HPR: variants seen among roughly 807,000 people sequenced by gnomAD.
HPR encodes the protein haptoglobin-related protein.
In HPR, 17 loss-of-function variants were observed where a neutral mutation model predicts 18.5. The ratio of observed to expected loss-of-function variants is 0.92; its 90% CI spans 0.63 to 1.38. HPR has a LOEUF of 1.38. HPR is among the 40% of genes most tolerant of loss of function. HPR has a pLI of 0.00. For missense variants in HPR, 457 were observed against 432.4 expected, an observed-to-expected ratio of 1.06 and a Z score of -0.51; for synonymous variants, 176 against 165.0, an observed-to-expected ratio of 1.07 and a Z score of -0.51.
chr16:72,066,037 A>C (rs1317503966), intron 1 of HPR, among the ~76,000 whole-genome samples: 1 of 152,140 alleles, frequency 6.6e-6, no homozygotes, highest in African/African-American at 2.4e-5. Flanking sequence ...TGCCAACCTA[A>C]ATATCCTTCC....
rs146254843 is a variant in HPR, at chr16:72,076,424, G to C, written c.390G>C (p.Gly130=). 1 of 1,591,124 alleles carries C rather than the reference G, an allele frequency of 6.3e-7. No individual in the cohort carries two copies. The highest frequency in any genetic ancestry group is 1.7e-5 in the Admixed American group (1 of 59,828). Residue 130 remains glycine (G), a synonymous_variant, in exon 5 of 5, where the codon GGG becomes GGC. Coordinates refer to ENST00000540303, the MANE Select transcript of HPR (RefSeq NM_020995.4). ...KMVSHHNLTT[G]ATLINEQWLL... ...TTTCCCACCATAATCTCACCACAGG[G>C]GCCACGCTGATCAATGAACAATGGC...
chr16:72,073,699 G>A, intron 1 of HPR, 193 bp from the exon 2 acceptor site: 3 of 1,489,148 alleles, frequency 2.0e-6, no homozygotes, highest in South Asian at 2.4e-5. Flanking sequence ...GGCGGAGGGT[G>A]GGGGCAACTT....
chr16:72,074,269 T>C lies in HPR; in HGVS notation c.92-15T>C, dbSNP rs1567590299. 6.2e-7 allele frequency: 1 copy of C among 1,609,218 alleles called. No homozygotes were observed. Among genetic ancestry groups the C allele is most frequent in the Non-Finnish European group, 8.5e-7 (1 of 1,175,626 alleles). On this transcript the variant is annotated splice_polypyrimidine_tract_variant and intron_variant, in intron 2 of 4. Transcript: ENST00000540303. The stretch of plus-strand genomic sequence containing the variant: ...TTTCCAAATGGTAAACTCTCTGGCT[T>C]CTCTCTCTTTGCAGATGACCGCTTC...
chr16:72,071,378 T>A (rs2041653735), intron 1 of HPR, among the ~76,000 whole-genome samples: 1 of 152,190 alleles, frequency 6.6e-6, no homozygotes, highest in South Asian at 2.1e-4. Flanking sequence ...AGGCCCAGAT[T>A]GTCCCCTTTC....
chr16:72,065,067 A>G (rs1224948269), intron 1 of HPR, among the ~76,000 whole-genome samples: 1 of 152,178 alleles, frequency 6.6e-6, no homozygotes, highest in Admixed American at 6.5e-5. Flanking sequence ...AAGTTCATGA[A>G]TGGTAACAAG....
intron 1 of HPR, among the ~76,000 whole-genome samples, chr16:72,071,893 T>G (rs767448019): frequency 2.0e-5 from 3 of 152,092 alleles, no homozygotes; most frequent in Non-Finnish European, 4.4e-5. Context: ...CAACGAGGAG[T>G]GCCAGATGAA....
In HPR at chr16:72,075,141, TCAGGAGTATA is replaced by T. The variant is rs1172350386; in HGVS notation, c.194-1_202del. The T allele has an allele frequency of 3.5e-6, 4 of 1,138,870 alleles. No homozygotes were observed. The African/African-American group carries it at 5.9e-5, about 17-fold the overall frequency. 70.5% of individuals were successfully genotyped at this position (1,138,870 alleles called of 1,614,324 possible). ...TTTGGCTCATTTCTTGCCTTTTGTT[TCAGGAGTATA>T]CACCTTAAATGATAAGAAGCAGTGG... On this transcript the variant is annotated splice_acceptor_variant and splice_polypyrimidine_tract_variant and coding_sequence_variant and intron_variant, in exon 4 of 5. Coordinates refer to ENST00000540303, the MANE Select transcript of HPR (RefSeq NM_020995.4). LOFTEE classifies it high-confidence loss of function.
chr16:72,075,639 T>A (rs893620326), intron 4 of HPR, among the ~76,000 whole-genome samples: 57 of 152,314 alleles, frequency 3.7e-4, no homozygotes, highest in Non-Finnish European at 6.3e-4. Context: ...GAACTGTTGC[T>A]CTCTCCTTTC....
At position 72,076,957 on chromosome 16, in the gene HPR, A is replaced by C; in HGVS notation, c.923A>C (p.Glu308Ala). Residue 308 changes from glutamate (E) to alanine (A), a missense_variant, in exon 5 of 5, where the codon GAG (glutamate) becomes GCG (alanine). By Grantham distance (107) the Glu-to-Ala change is moderately radical. Transcript: ENST00000540303. ...GCCTTTGCCGTTCACGACCTGGAGG[A>C]GGACACCTGGTACGCGGCTGGGATC... ...GSAFAVHDLE[E>A]DTWYAAGILS... 6.2e-7 allele frequency: 1 copy of C among 1,614,188 alleles called. No individual in the cohort carries two copies. Among genetic ancestry groups the C allele is most frequent in the Non-Finnish European group, 8.5e-7 (1 of 1,180,040 alleles).
At position 72,076,305 on chromosome 16, in the gene HPR, T is replaced by C. The variant is rs1189160831; in HGVS notation, c.271T>C (p.Cys91Arg). Reference sequence around the variant, plus strand: ...GAGTGTCTTGCTCTCCTTGACAGTATGTGGGAAGCCCAAGAATCCGGCAAA... The same window carrying C: ...GAGTGTCTTGCTCTCCTTGACAGTACGTGGGAAGCCCAAGAATCCGGCAAA... ...GDKLPECEAV[C>R]GKPKNPANPV... Residue 91 changes from cysteine (C) to arginine (R), a missense_variant and splice_region_variant, in exon 5 of 5, where the codon TGT becomes CGT. Cys to Arg is a radical substitution (Grantham distance 180, BLOSUM62 -3). Transcript: ENST00000540303. 2 of 1,613,098 alleles carry C rather than the reference T, an allele frequency of 1.2e-6. No individual in the cohort carries two copies. Among genetic ancestry groups the C allele is most frequent in the South Asian group, 1.1e-5 (1 of 90,968 alleles).
Position 72,074,827 on chromosome 16 carries a change from C to A in HPR, c.194-318C>A, listed in dbSNP as rs1317576479. On this transcript the variant is annotated intron_variant, in intron 3 of 4. Coordinates refer to ENST00000540303, the MANE Select transcript of HPR (RefSeq NM_020995.4). ...GCTGATAAGGAAACAGAGGCACCGA[C>A]AGGTTGAGTATCTTGCCCAAATTCA... 1.2e-5 allele frequency: 8 copies of A among 647,102 alleles called. No individual in the cohort carries two copies. The Admixed American group carries it at 1.3e-4, about 10-fold the overall frequency. The allele number at this position is 647,102 out of a possible 1,614,324, so 40.1% of individuals were successfully genotyped here.
chr16:72,069,667 A>C (rs2041634921), intron 1 of HPR, among the ~76,000 whole-genome samples: 1 of 152,178 alleles, frequency 6.6e-6, no homozygotes, highest in Non-Finnish European at 1.5e-5. Context: ...ATGTATAAGA[A>C]TTTACACCCT....
intron 3 of HPR, chr16:72,074,682 G>A (rs1262509391): frequency 2.8e-6 from 2 of 706,992 alleles, no homozygotes; most frequent in Admixed American, 4.0e-5. Context: ...GAATGCTGAT[G>A]ATGATGTCAC....
intron 3 of HPR, 65 bp downstream of exon 3, chr16:72,074,450 G>A: frequency 7.4e-7 from 1 of 1,351,654 alleles, no homozygotes; most frequent in Non-Finnish European, 1.1e-6. Flanking sequence ...TCCATGATGG[G>A]TGGTGCTGAG....
intron 1 of HPR, chr16:72,073,646 T>C: frequency 1.5e-6 from 2 of 1,349,206 alleles, no homozygotes; most frequent in Non-Finnish European, 9.7e-7. Flanking sequence ...CAGAGCTTGC[T>C]GGAAGCTTGG....
intron 1 of HPR, among the ~76,000 whole-genome samples, chr16:72,071,011 A>G (rs1472596577): frequency 6.6e-6 from 1 of 152,152 alleles, no homozygotes; most frequent in Non-Finnish European, 1.5e-5. Flanking sequence ...CCCCCAAACA[A>G]TGGCCCAAGA....
intron 3 of HPR, 83 bp downstream of exon 3, chr16:72,074,468 G>A (rs1421115866): frequency 3.2e-6 from 4 of 1,252,146 alleles, no homozygotes; most frequent in Non-Finnish European, 4.7e-6. Flanking sequence ...GAGGTGATTT[G>A]CCAGAAAGTT....
At chr16:72,065,937 G>A (rs568263156) in intron 1 of HPR, among the ~76,000 whole-genome samples, 1 of 152,180 alleles carries the variant, frequency 6.6e-6, no homozygotes, top group African/African-American at 2.4e-5. Flanking sequence ...TGCTGCCCCA[G>A]ATCCCATCCC....
intron 1 of HPR, among the ~76,000 whole-genome samples, chr16:72,066,965 C>T (rs2041604757): frequency 6.6e-6 from 1 of 152,156 alleles, no homozygotes; most frequent in African/African-American, 2.4e-5. Flanking sequence ...GAAACCAAAC[C>T]TTCAGCTAGA....
Sources: gnomAD v4.1 joint callset for allele counts (sites outside exome capture counted in the v4.1 genomes callset) on GRCh38, gnomAD v4.1.1 for gene constraint, MANE v1.5 for transcripts, NCBI Gene and HGNC (gene_info 2026-07-23, HGNC 2026-07-21) for gene names.